COL4A3: variants seen among roughly 807,000 people sequenced by gnomAD.
The protein encoded by COL4A3 is collagen alpha-3(IV) chain.
In COL4A3, 135 loss-of-function variants were observed where a neutral mutation model predicts 217.4. The ratio of observed to expected loss-of-function variants is 0.62; its 90% confidence interval spans 0.54 to 0.72. The LOEUF is 0.72. Among genes scored for constraint, COL4A3 ranks in the 30% least tolerant of loss-of-function variants. The pLI is 0.00. For missense variants in COL4A3, 1,868 were observed against 2,119.9 expected (o/e 0.88, Z 2.33); for synonymous variants, 690 against 736.3 (o/e 0.94, Z 1.02).
At chr2:227,268,794 A>C (rs1236862421) in intron 23 of COL4A3, 8 of 152,252 alleles carry the variant, frequency 5.3e-5, no homozygotes, top group African/African-American at 1.9e-4. Context: ...ACCAAAAGGA[A>C]GGAAATGAAG....
chr2:227,183,713 T>A (rs17432904), intron 1 of COL4A3, among the ~76,000 whole-genome samples: 5,330 of 152,296 alleles, frequency 0.035, 160 homozygotes, highest in Admixed American at 0.079. Flanking sequence ...ACAATTATTC[T>A]TTCCTACTTC....
At chr2:227,311,108 T>C (rs555587698) in intron 51 of COL4A3, among the ~76,000 whole-genome samples, 160 bp downstream of exon 51, 1 of 152,352 alleles carries the variant, frequency 6.6e-6, no homozygotes, top group African/African-American at 2.4e-5. Context: ...AATATTTGTA[T>C]ATGAATTTAT....
chr2:227,279,748 A>C (rs1414733011), intron 28 of COL4A3, 45 bp from the exon 29 acceptor site: 2 of 1,344,862 alleles, frequency 1.5e-6, no homozygotes, highest in East Asian at 4.7e-5. Context: ...AGAATATTTC[A>C]ATAAGACTAA....
chr2:227,203,269 GTA>G (rs1394512686), intron 1 of COL4A3, among the ~76,000 whole-genome samples: 1 of 19,226 alleles, frequency 5.2e-5, no homozygotes, highest in Non-Finnish European at 1.4e-4. Context: ...ACATATATGT[GTA>G]TATATGTGTA....
chr2:227,282,435 A>C lies in COL4A3; in HGVS notation c.2559A>C (p.Gly853=), dbSNP rs1237003281. The change falls in exon 32 of 52, where the codon GGA becomes GGC. Residue 853 remains glycine, a synonymous_variant. Transcript: ENST00000396578. The surrounding 1 kb of genome is among the most constrained non-coding windows in gnomAD (Gnocchi z 4.4). ...GCTTGGATAGATCAGGATTTCCTGG[A>C]GAAACTGGATCACCAGGAATTCCAG... is the stretch of plus-strand genomic sequence containing the variant. ...IPGLDRSGFP[G]ETGSPGIPGH... is the part of the protein sequence containing the mutation. 4 of 1,613,702 alleles carry C rather than the reference A, an allele frequency of 2.5e-6. No individual in the cohort carries two copies. The highest frequency in any genetic ancestry group is 3.4e-6 in the Non-Finnish European group (4 of 1,179,884).
intron 1 of COL4A3, among the ~76,000 whole-genome samples, chr2:227,193,162 G>A (rs1347503881): frequency 6.6e-6 from 1 of 152,064 alleles, no homozygotes; most frequent in African/African-American, 2.4e-5. Context: ...TTCATTCCCA[G>A]TGCTCATAGA....
chr2:227,186,104 G>A (rs1477614221), intron 1 of COL4A3, among the ~76,000 whole-genome samples: 3 of 152,192 alleles, frequency 2.0e-5, no homozygotes, highest in Admixed American at 1.3e-4. Flanking sequence ...TGTTAGTCAC[G>A]CCTTCTGTTT....
intron 46 of COL4A3, 75 bp downstream of exon 46, chr2:227,304,219 C>T: frequency 6.4e-7 from 1 of 1,567,688 alleles, no homozygotes; most frequent in East Asian, 2.2e-5. Flanking sequence ...GCTTTGGAAA[C>T]AGCTGATACA....
At chr2:227,294,184 C>T in intron 38 of COL4A3, 1 of 360,180 alleles carries the variant, frequency 2.8e-6, no homozygotes, top group Middle Eastern at 8.8e-4. Context: ...ATACAATAAA[C>T]TACCTGTTCA....
chr2:227,167,087 A>G lies in COL4A3; in HGVS notation c.87+2274A>G, dbSNP rs187615102. On this transcript the variant is annotated intron_variant, in intron 1 of 51. Coordinates refer to ENST00000396578, the MANE Select transcript of COL4A3 (RefSeq NM_000091.5). ...AGAAACTTCTCAAATTCTAAATATT[A>G]GCAACTAAGCCAAAACTTTACAAAA... Among the ~76,000 whole-genome samples the G allele has an allele frequency of 3.1e-3, 469 of 152,370 alleles. 3 individuals are homozygous for G. The highest frequency in any genetic ancestry group is 0.01 in the African/African-American group (418 of 41,596).
chr2:227,237,806 A>T, intron 1 of COL4A3, 162 bp from the exon 2 acceptor site: 1 of 641,398 alleles, frequency 1.6e-6, no homozygotes, highest in African/African-American at 1.8e-5. Context: ...TGCTATTCAT[A>T]TATTGATATA....
intron 2 of COL4A3, among the ~76,000 whole-genome samples, chr2:227,238,793 C>T (rs775299130): frequency 6.6e-6 from 1 of 152,004 alleles, no homozygotes; most frequent in Non-Finnish European, 1.5e-5. Context: ...TTTCATAATT[C>T]ACATGTAGTT....
At chr2:227,269,769 T>A in intron 23 of COL4A3, 141 bp from the exon 24 acceptor site, 1 of 700,498 alleles carries the variant, frequency 1.4e-6, no homozygotes, top group Non-Finnish European at 2.6e-6. Context: ...TCCCATTCTC[T>A]TATTGCATTT....
At chr2:227,252,391 T>C (rs1328488318) in intron 11 of COL4A3, among the ~76,000 whole-genome samples, 1 of 151,618 alleles carries the variant, frequency 6.6e-6, no homozygotes, top group Non-Finnish European at 1.5e-5. Flanking sequence ...TGCTTTTGTA[T>C]TTTTGGTAGA....
At position 227,164,944 on chromosome 2, in the gene COL4A3, T is replaced by C; in HGVS notation, c.87+131T>C. 1.8e-6 allele frequency: 2 copies of C among 1,130,060 alleles called. No individual in the cohort carries two copies. Among genetic ancestry groups the C allele is most frequent in the Non-Finnish European group, 2.4e-6 (2 of 843,716 alleles). The allele number at this position is 1,130,060 out of a possible 1,614,324, so 70.0% of individuals were successfully genotyped here. On this transcript the variant is annotated intron_variant, in intron 1 of 51. Transcript: ENST00000396578. The surrounding 1 kb of genome is among the most constrained non-coding windows in gnomAD (Gnocchi z 4.8). ...CCGGGCTAGTGGCGAGGCTGAGGGC[T>C]TCACGCAGGTCCCGGGACAGGCAGC...
chr2:227,204,549 A>T (rs1225380000), intron 1 of COL4A3, among the ~76,000 whole-genome samples: 1 of 152,216 alleles, frequency 6.6e-6, no homozygotes, highest in South Asian at 2.1e-4. Context: ...GAAGCAGGAC[A>T]GATTGTCTGG....
chr2:227,264,015 A>C, intron 21 of COL4A3, 71 bp downstream of exon 21: 1 of 1,557,960 alleles, frequency 6.4e-7, no homozygotes, highest in South Asian at 1.1e-5. Context: ...CACGGGCAAC[A>C]AACCCTCCTC....
At chr2:227,237,910 C>G in intron 1 of COL4A3, 58 bp from the exon 2 acceptor site, 2 of 1,281,316 alleles carry the variant, frequency 1.6e-6, no homozygotes, top group Non-Finnish European at 2.3e-6. Flanking sequence ...TTTACCCTGC[C>G]GGTTGGGATT....
rs998976131 is a variant in COL4A3 at position 227,313,105 on chromosome 2, T to C, written c.*1235T>C. 2 of 152,566 alleles carry C rather than the reference T, an allele frequency of 1.3e-5. No individual in the cohort carries two copies. Among genetic ancestry groups the C allele is most frequent in the African/African-American group, 4.8e-5 (2 of 41,438 alleles). The allele number at this position is 152,566 out of a possible 1,614,324, so 9.5% of individuals were successfully genotyped here. A position where few individuals can be genotyped will look rare whatever the true frequency, so the allele number is the denominator to read the frequency against. On this transcript the variant is annotated 3_prime_UTR_variant, in exon 52 of 52. Coordinates refer to ENST00000396578, the MANE Select transcript of COL4A3 (RefSeq NM_000091.5). ...AAGGTTACTTAATTCAACTTAACTA[T>C]CATCTTATTCAGCACCAAGCATGTC...
Sources: allele counts gnomAD v4.1 joint callset (sites outside exome capture counted in the v4.1 genomes callset), GRCh38; gene constraint gnomAD v4.1.1; non-coding constraint Gnocchi (gnomAD v3.1); transcripts MANE v1.5; gene names NCBI Gene and HGNC (gene_info 2026-07-23, HGNC 2026-07-21).